HERC3: variants seen among roughly 807,000 people sequenced by gnomAD.
The protein encoded by HERC3 is probable E3 ubiquitin-protein ligase HERC3.
HERC3 carries 58 observed loss-of-function variants against 129.9 expected under a neutral mutation model. The observed-to-expected ratio is 0.45, with a 90% CI of 0.36 to 0.56. The LOEUF (loss-of-function observed/expected upper bound fraction) is 0.56. HERC3 is among the 20% of genes least tolerant of loss of function. The pLI is 0.00. For synonymous variants in HERC3, 430 were observed against 451.0 expected, an observed-to-expected ratio of 0.95 and a Z score of 0.59; for missense variants, 835 against 1,244.2, an observed-to-expected ratio of 0.67 and a Z score of 4.95.
chr4:88,704,556 C>G lies in HERC3; in HGVS notation c.2890C>G (p.Leu964Val). Reference sequence around the variant, plus strand: ...CTCGGCCACACATCCCACTGTAAAACTATTTTGGGAAACATTTCATGAGTT... The same window carrying G: ...CTCGGCCACACATCCCACTGTAAAAGTATTTTGGGAAACATTTCATGAGTT... ...DYSATHPTVK[L>V]FWETFHEFPL... The change falls in exon 25 of 26, where the codon CTA becomes GTA. Residue 964 changes from leucine to valine, a missense_variant. Physicochemically the swap from Leu to Val is conservative, Grantham distance 32. Coordinates refer to ENST00000402738, the MANE Select transcript of HERC3 (RefSeq NM_014606.3). 1.2e-6 allele frequency: 2 copies of G among 1,612,436 alleles called. No individual in the cohort carries two copies. Among genetic ancestry groups the G allele is most frequent in the East Asian group, 2.2e-5 (1 of 44,862 alleles).
chr4:88,658,509 A>G lies in HERC3; in HGVS notation c.1146+18A>G. 7.1e-7 allele frequency: 1 copy of G among 1,410,304 alleles called. No homozygotes were observed. The highest frequency in any genetic ancestry group is 1.0e-6 in the Non-Finnish European group (1 of 1,002,182). The allele number at this position is 1,410,304 out of a possible 1,614,324, so 87.4% of individuals were successfully genotyped here. A position where few individuals can be genotyped will look rare whatever the true frequency, so the allele number is the denominator to read the frequency against. On this transcript the variant is annotated intron_variant, in intron 10 of 25. Coordinates refer to ENST00000402738, the MANE Select transcript of HERC3 (RefSeq NM_014606.3). ...AATACGAGGTAAAATTTTTCTTGTG[A>G]CTCTTATTTCCAGGAAGGAATAATA...
At chr4:88,636,482 C>G (rs909248891) in intron 3 of HERC3, among the ~76,000 whole-genome samples, 2 of 152,054 alleles carry the variant, frequency 1.3e-5, no homozygotes, top group Non-Finnish European at 2.9e-5. Context: ...ATGGGAGCAC[C>G]CAGATTCATA....
chr4:88,676,140 T>A, intron 16 of HERC3, 78 bp from the exon 17 acceptor site: 3 of 1,072,666 alleles, frequency 2.8e-6, no homozygotes, highest in Non-Finnish European at 4.2e-6. Flanking sequence ...TGTTTTGTTA[T>A]TTATATTTTA....
the HERC3 span, among the ~76,000 whole-genome samples, chr4:88,547,549 G>A: frequency 3.3e-5 from 5 of 152,108 alleles, no homozygotes; most frequent in Admixed American, 6.6e-5. Flanking sequence ...AGGCAACCAC[G>A]AATCTACTTT....
At chr4:88,589,095 CGTGT>C (rs147850626), upstream of HERC3, among the ~76,000 whole-genome samples, 23 of 151,220 alleles carry the variant, frequency 1.5e-4, no homozygotes, top group South Asian at 1.0e-3. Context: ...CGCGTGTGTG[CGTGT>C]GTGTGTGTGT....
Position 88,707,349 on chromosome 4 carries a change from C to G in HERC3, c.*389C>G, listed in dbSNP as rs1735864734. 9.6e-6 allele frequency: 2 copies of G among 207,568 alleles called. No individual in the cohort carries two copies. The highest frequency in any genetic ancestry group is 2.0e-5 in the Non-Finnish European group (2 of 101,504). The allele number at this position is 207,568 out of a possible 1,614,324, so 12.9% of individuals were successfully genotyped here. A position where few individuals can be genotyped will look rare whatever the true frequency, so the allele number is the denominator to read the frequency against. ...CAGTGCTTCCTTGTCCTTCTCTTAA[C>G]TTCTCATTCCTCTATAAGAATGATT... On this transcript the variant is annotated 3_prime_UTR_variant, in exon 26 of 26. Coordinates refer to ENST00000402738, the MANE Select transcript of HERC3 (RefSeq NM_014606.3).
Position 88,705,120 on chromosome 4 carries a change from G to A in HERC3, c.2944+510G>A, listed in dbSNP as rs1735670988. Among the ~76,000 whole-genome samples the A allele has an allele frequency of 2.6e-5, 4 of 152,028 alleles. No homozygotes were observed. The South Asian group carries it at 8.3e-4, about 32-fold the overall frequency. On this transcript the variant is annotated intron_variant, in intron 25 of 25. Coordinates refer to ENST00000402738, the MANE Select transcript of HERC3 (RefSeq NM_014606.3). ...GACCTCAAGTGATCCGCCTGTTTTGGCCTCCCAAAATGCTGGGATTACAGG... is the reference window on the plus strand; with the variant it reads ...GACCTCAAGTGATCCGCCTGTTTTGACCTCCCAAAATGCTGGGATTACAGG...
chr4:88,579,226 A>ATATATATATATATAT, the HERC3 span, among the ~76,000 whole-genome samples: 112 of 93,942 alleles, frequency 1.2e-3, 1 homozygote, highest in African/African-American at 0.011. Flanking sequence ...TACTAAAAAA[A>ATATATATATATATAT]AAAAAAATAT....
chr4:88,701,233 T>C (rs1735290327), intron 23 of HERC3, among the ~76,000 whole-genome samples: 1 of 152,250 alleles, frequency 6.6e-6, no homozygotes, highest in South Asian at 2.1e-4. Context: ...ATAATCTTTT[T>C]ACATTAGTGG....
intron 3 of HERC3, among the ~76,000 whole-genome samples, chr4:88,637,909 T>G (rs1003857784): frequency 6.6e-6 from 1 of 152,090 alleles, no homozygotes; most frequent in Non-Finnish European, 1.5e-5. Flanking sequence ...AAAGGGGATA[T>G]CACCACTGAT....
chr4:88,624,450 T>C (rs955322813), intron 3 of HERC3, among the ~76,000 whole-genome samples: 2 of 152,222 alleles, frequency 1.3e-5, no homozygotes, highest in South Asian at 2.1e-4. Context: ...GTCGTTTTAA[T>C]ATACACTTCC....
rs767746787 is a variant in HERC3, at chr4:88,655,159, T to C, written c.778-15T>C. 18 of 1,613,416 alleles carry C rather than the reference T, an allele frequency of 1.1e-5. 1 individual carries two copies. In the South Asian group the frequency reaches 1.6e-4, roughly 15 times the overall value. On this transcript the variant is annotated splice_polypyrimidine_tract_variant and intron_variant, in intron 7 of 25. Transcript: ENST00000402738. Reference sequence around the variant, plus strand: ...AAAGATACAGTGAAGTCCTATGGTGTTTGTTCCTTGTTAGAGTGGAGGTGT... The same window carrying C: ...AAAGATACAGTGAAGTCCTATGGTGCTTGTTCCTTGTTAGAGTGGAGGTGT...
At chr4:88,613,640 A>G (rs1294382461) in intron 3 of HERC3, among the ~76,000 whole-genome samples, 1 of 152,240 alleles carries the variant, frequency 6.6e-6, no homozygotes, top group East Asian at 1.9e-4. Context: ...AGGAAATAGA[A>G]GGGACCCTGT....
At chr4:88,573,641 G>A in the HERC3 span, among the ~76,000 whole-genome samples, 3 of 152,130 alleles carry the variant, frequency 2.0e-5, no homozygotes, top group Admixed American at 2.0e-4. Context: ...ATTCATTGAC[G>A]GTCCCAAAGG....
At chr4:88,605,382 TTAAA>T (rs1379237115) in intron 2 of HERC3, among the ~76,000 whole-genome samples, 2 of 152,150 alleles carry the variant, frequency 1.3e-5, no homozygotes, top group African/African-American at 4.8e-5. Context: ...TTTTAAAACA[TTAAA>T]TAAGCAGAAA....
the HERC3 span, among the ~76,000 whole-genome samples, chr4:88,545,968 A>G: frequency 6.6e-6 from 1 of 152,218 alleles, no homozygotes; most frequent in South Asian, 2.1e-4. Flanking sequence ...ATTTAAGAAG[A>G]GACTTCATTG....
At chr4:88,635,023 C>CT (rs998746633) in intron 3 of HERC3, among the ~76,000 whole-genome samples, 34 of 152,098 alleles carry the variant, frequency 2.2e-4, no homozygotes, top group African/African-American at 8.0e-4. Context: ...AAGATCGAAA[C>CT]TAGACAAACT....
chr4:88,632,322 T>C (rs1469178967), intron 3 of HERC3, among the ~76,000 whole-genome samples: 2 of 152,160 alleles, frequency 1.3e-5, no homozygotes, highest in Admixed American at 1.3e-4. Context: ...AAACTAAAAA[T>C]TGTTAACATT....
chr4:88,601,508 C>T (rs1471413365), intron 2 of HERC3, among the ~76,000 whole-genome samples: 1 of 152,208 alleles, frequency 6.6e-6, no homozygotes, highest in African/African-American at 2.4e-5. Context: ...TGACAGTTCT[C>T]TCCTGTAGAT....
Sources: allele counts gnomAD v4.1 joint callset (sites outside exome capture counted in the v4.1 genomes callset), GRCh38; gene constraint gnomAD v4.1.1; transcripts MANE v1.5; gene names NCBI Gene and HGNC (gene_info 2026-07-23, HGNC 2026-07-21).